Variants in HELZ observed in about 807,000 individuals in gnomAD.
HELZ encodes the protein ATP-dependent RNA helicase with zinc finger domain.
In HELZ, 23 loss-of-function variants were observed where a neutral mutation model predicts 218.2. The ratio of observed to expected loss-of-function variants is 0.11; its 90% CI spans 0.08 to 0.15. The LOEUF (loss-of-function observed/expected upper bound fraction) is 0.15, where lower values mean the gene tolerates loss of function less well. Among genes scored for constraint, HELZ ranks in the 10% least tolerant of loss-of-function variants. The pLI, the probability that HELZ is intolerant of heterozygous loss-of-function variation, is 1.00. For missense variants in HELZ, 1,813 were observed against 2,353.7 expected, an observed-to-expected ratio of 0.77 and a Z score of 4.75; for synonymous variants, 814 against 829.4, an observed-to-expected ratio of 0.98 and a Z score of 0.32.
In HELZ at chr17:67,213,485, G is replaced by A. The variant is rs375550268; in HGVS notation, c.247+2414C>T. 3.7e-4 allele frequency among the ~76,000 whole-genome samples: 56 copies of A among 152,252 alleles called. 5 individuals carry two copies. Among genetic ancestry groups the A allele is most frequent in the Admixed American group, 2.6e-3 (40 of 15,296 alleles). On this transcript the variant is annotated intron_variant, in intron 5 of 32. Coordinates refer to ENST00000358691, the MANE Select transcript of HELZ (RefSeq NM_014877.4). ...AAAAATACAAAAATTAGCCGGGCATGTTGGCGCATGCCTGCAGTCCCAGCT... is the reference window on the plus strand; with the variant it reads ...AAAAATACAAAAATTAGCCGGGCATATTGGCGCATGCCTGCAGTCCCAGCT...
At chr17:67,172,973 A>G (rs1187476891) in intron 13 of HELZ, 1 of 754,844 alleles carries the variant, frequency 1.3e-6, no homozygotes, top group Non-Finnish European at 1.6e-6. Flanking sequence ...ACTTGATCAC[A>G]ATTTAGCAGG....
chr17:67,186,970 G>A (rs2039773176), intron 12 of HELZ, among the ~76,000 whole-genome samples: 1 of 152,130 alleles, frequency 6.6e-6, no homozygotes. Flanking sequence ...TGAAAATAAA[G>A]TTTTATTGGA....
intron 18 of HELZ, 105 bp downstream of exon 18, chr17:67,150,941 C>A: frequency 2.3e-6 from 2 of 867,000 alleles, no homozygotes; most frequent in East Asian, 2.5e-5. Context: ...TTTACAAAAA[C>A]AGTCAGTGAG....
chr17:67,239,238 C>T (rs533596940), intron 3 of HELZ, among the ~76,000 whole-genome samples, 195 bp downstream of exon 3: 2 of 152,214 alleles, frequency 1.3e-5, no homozygotes, highest in Non-Finnish European at 2.9e-5. Flanking sequence ...ACTAACCTGA[C>T]AAGGCAGCAG....
chr17:67,200,229 T>C (rs909316964), intron 7 of HELZ, among the ~76,000 whole-genome samples: 1 of 152,200 alleles, frequency 6.6e-6, no homozygotes, highest in African/African-American at 2.4e-5. Context: ...AAAAATACTT[T>C]TATATGCCTA....
chr17:67,108,464 A>C lies in HELZ; in HGVS notation c.4724+28T>G. On this transcript the variant is annotated intron_variant, in intron 30 of 32. Transcript: ENST00000358691. This position sits in a 1 kb window ranked among gnomAD's most constrained non-coding sequence, Gnocchi z 4.1. The stretch of plus-strand genomic sequence containing the variant: ...GAGAACAGTGAGGGGGTCGCATTCC[A>C]GGGGCTATTTTCAGTCCGCTGGAAT... The C allele has an allele frequency of 2.6e-6, 4 of 1,552,724 alleles. No individual in the cohort carries two copies. Among genetic ancestry groups the C allele is most frequent in the Non-Finnish European group, 3.6e-6 (4 of 1,125,388 alleles).
chr17:67,117,962 TC>T (rs2037480468), intron 27 of HELZ, among the ~76,000 whole-genome samples: 1 of 152,118 alleles, frequency 6.6e-6, no homozygotes, highest in Non-Finnish European at 1.5e-5. Context: ...ATGTTAATTC[TC>T]CCCAAAGTGA....
chr17:67,149,047 T>C (rs574102542), intron 19 of HELZ, among the ~76,000 whole-genome samples: 2 of 152,290 alleles, frequency 1.3e-5, no homozygotes, highest in African/African-American at 2.4e-5. Flanking sequence ...AGTCAAACAG[T>C]TATTTCACTA....
chr17:67,077,381 C>T lies in HELZ; in HGVS notation c.*871G>A, dbSNP rs1273311851. On this transcript the variant is annotated 3_prime_UTR_variant, in exon 33 of 33. Coordinates refer to ENST00000358691, the MANE Select transcript of HELZ (RefSeq NM_014877.4). ...GCCAGGTTACAAACATTTACACATGCATAGTGAGAAAAAAAGAATTTTACT... is the reference window on the plus strand; with the variant it reads ...GCCAGGTTACAAACATTTACACATGTATAGTGAGAAAAAAAGAATTTTACT... The T allele has an allele frequency of 6.6e-6, 1 of 152,098 alleles. No homozygotes were observed. The highest frequency in any genetic ancestry group is 2.4e-5 in the African/African-American group (1 of 41,312). 9.4% of individuals were successfully genotyped at this position (152,098 alleles called of 1,614,324 possible).
At chr17:67,169,317 T>C (rs1429149077) in intron 13 of HELZ, among the ~76,000 whole-genome samples, 1 of 152,186 alleles carries the variant, frequency 6.6e-6, no homozygotes, top group African/African-American at 2.4e-5. Flanking sequence ...ATTTATTTCT[T>C]ACAGCTCTGG....
At chr17:67,124,088 CAT>C in intron 24 of HELZ, 74 bp from the exon 25 acceptor site, 7 of 994,296 alleles carry the variant, frequency 7.0e-6, no homozygotes. Flanking sequence ...TTTTCCTAAT[CAT>C]ATGTAAATTA....
intron 12 of HELZ, among the ~76,000 whole-genome samples, chr17:67,179,314 C>T (rs942300814): frequency 5.3e-5 from 8 of 152,112 alleles, no homozygotes; most frequent in Admixed American, 4.6e-4. Context: ...CTTCCTACTA[C>T]CAATACCCAT....
chr17:67,119,660 TC>T (rs1352356211), intron 27 of HELZ, among the ~76,000 whole-genome samples: 2 of 152,172 alleles, frequency 1.3e-5, no homozygotes, highest in Non-Finnish European at 2.9e-5. Flanking sequence ...CAGTAATTTT[TC>T]CTTGTAATTC....
At chr17:67,137,370 C>T (rs1020079370) in intron 22 of HELZ, among the ~76,000 whole-genome samples, 1 of 152,180 alleles carries the variant, frequency 6.6e-6, no homozygotes, top group Admixed American at 6.5e-5. Flanking sequence ...CTGGACAACA[C>T]ATGGTACAGT....
intron 13 of HELZ, chr17:67,173,131 A>T: frequency 1.7e-6 from 1 of 602,446 alleles, no homozygotes; most frequent in Non-Finnish European, 2.1e-6. Context: ...AGCTTTTCCC[A>T]CAGAAAATTC....
At chr17:67,114,961 T>TA (rs2037386269) in intron 27 of HELZ, among the ~76,000 whole-genome samples, 1 of 152,176 alleles carries the variant, frequency 6.6e-6, no homozygotes, top group Non-Finnish European at 1.5e-5. Context: ...ACAGTTATAA[T>TA]AGACAATTCA....
chr17:67,234,159 CA>C (rs1195419503), intron 3 of HELZ, among the ~76,000 whole-genome samples: 1 of 150,506 alleles, frequency 6.6e-6, no homozygotes, highest in Non-Finnish European at 1.5e-5. Flanking sequence ...CCCATCTCTA[CA>C]AAAAATACAA....
At chr17:67,171,120 C>T (rs1050904412) in intron 13 of HELZ, among the ~76,000 whole-genome samples, 3 of 151,454 alleles carry the variant, frequency 2.0e-5, no homozygotes, top group Non-Finnish European at 4.4e-5. Context: ...TAATACTCTC[C>T]TAGTTTTCTT....
rs561733101 is a variant in HELZ at position 67,203,540 on chromosome 17, T to C, written c.248-97A>G. On this transcript the variant is annotated intron_variant, in intron 5 of 32. Transcript: ENST00000358691. ...ACACTATCACAAGCGTGGCTTTTTA[T>C]ATGCTAAAAGAGTAACTTCAAATAC... is the stretch of plus-strand genomic sequence containing the variant. 21 of 1,419,456 alleles carry C rather than the reference T, an allele frequency of 1.5e-5. No homozygotes were observed. In the South Asian group the frequency reaches 2.1e-4, roughly 14 times the overall value. The allele number at this position is 1,419,456 out of a possible 1,614,324, so 87.9% of individuals were successfully genotyped here. A position where few individuals can be genotyped will look rare whatever the true frequency, so the allele number is the denominator to read the frequency against.
Sources: gnomAD v4.1 joint callset for allele counts (sites outside exome capture counted in the v4.1 genomes callset) on GRCh38, gnomAD v4.1.1 for gene constraint, Gnocchi (gnomAD v3.1) non-coding constraint, MANE v1.5 for transcripts, NCBI Gene and HGNC (gene_info 2026-07-23, HGNC 2026-07-21) for gene names.